Variants in FBLN7 observed in about 807,000 individuals in gnomAD.
The protein encoded by FBLN7 is fibulin-7.
FBLN7 carries 31 observed loss-of-function variants against 44.0 expected under a neutral mutation model. That is an observed-to-expected ratio of 0.70 (90% confidence interval 0.53 to 0.95). FBLN7 has a LOEUF of 0.95. FBLN7 is among the 40% of genes least tolerant of loss of function. FBLN7 has a pLI of 0.00. For missense variants in FBLN7, 573 were observed against 618.5 expected, an observed-to-expected ratio of 0.93 and a Z score of 0.78; for synonymous variants, 262 against 253.4, an observed-to-expected ratio of 1.03 and a Z score of -0.32.
the FBLN7 span, among the ~76,000 whole-genome samples, chr2:112,197,272 CACAGAG>C: frequency 5.8e-5 from 7 of 119,920 alleles, no homozygotes; most frequent in African/African-American, 1.3e-4. Context: ...CACACACACA[CACAGAG>C]AGAGAGAGAG....
At chr2:112,186,233 C>T (rs1002882567) in intron 7 of FBLN7, among the ~76,000 whole-genome samples, 3 of 152,198 alleles carry the variant, frequency 2.0e-5, no homozygotes, top group East Asian at 1.9e-4. Flanking sequence ...GCTACAGAAT[C>T]GCCAAATATA....
chr2:112,213,814 T>C, the FBLN7 span: 1 of 143,932 alleles, frequency 6.9e-6, no homozygotes, highest in Non-Finnish European at 1.5e-5. Flanking sequence ...AAAAAAAATT[T>C]AGTTCTACTA....
intron 1 of FBLN7, among the ~76,000 whole-genome samples, chr2:112,156,054 G>A (rs985185059): frequency 3.3e-5 from 5 of 152,196 alleles, no homozygotes; most frequent in Non-Finnish European, 7.3e-5. Flanking sequence ...GCAGCTGTTC[G>A]CCTGGCTGGA....
At chr2:112,164,017 G>A (rs1348970166) in intron 2 of FBLN7, among the ~76,000 whole-genome samples, 1 of 152,092 alleles carries the variant, frequency 6.6e-6, no homozygotes, top group Non-Finnish European at 1.5e-5. Context: ...CCTGACCACT[G>A]TATTCAAAAT....
At chr2:112,204,168 G>A in the FBLN7 span, among the ~76,000 whole-genome samples, 1 of 151,468 alleles carries the variant, frequency 6.6e-6, no homozygotes, top group South Asian at 2.1e-4. Context: ...AAAGTATAAG[G>A]CTGAAATAAC....
chr2:112,160,758 ACG>A (rs1250836855), intron 2 of FBLN7, among the ~76,000 whole-genome samples: 1 of 53,106 alleles, frequency 1.9e-5, no homozygotes, highest in Non-Finnish European at 4.2e-5. Context: ...GCACGCACAC[ACG>A]CACGCACACG....
chr2:112,238,699 TAAAAAA>T, the FBLN7 span: 3 of 462,018 alleles, frequency 6.5e-6, no homozygotes, highest in Non-Finnish European at 1.1e-5. Context: ...TTTCCAGAAT[TAAAAAA>T]AAGAAAAAAT....
At chr2:112,211,890 C>T in the FBLN7 span, 1 of 152,208 alleles carries the variant, frequency 6.6e-6, no homozygotes, top group African/African-American at 2.4e-5. Flanking sequence ...CCTATCCAAA[C>T]ATATACATTC....
chr2:112,165,430 C>T (rs970093959), intron 3 of FBLN7, among the ~76,000 whole-genome samples: 2 of 152,164 alleles, frequency 1.3e-5, no homozygotes, highest in Non-Finnish European at 1.5e-5. Flanking sequence ...CACAGAGGTT[C>T]AAGAACTTGC....
intron 1 of FBLN7, among the ~76,000 whole-genome samples, chr2:112,143,254 G>A (rs575887416): frequency 1.3e-5 from 2 of 152,310 alleles, no homozygotes; most frequent in South Asian, 2.1e-4. Context: ...CCTTCCCACT[G>A]GAAGAGAAAC....
intron 3 of FBLN7, among the ~76,000 whole-genome samples, chr2:112,171,160 C>T (rs984178586): frequency 1.3e-5 from 2 of 152,112 alleles, no homozygotes; most frequent in South Asian, 2.1e-4. Context: ...GGGTAGACAT[C>T]GTCTGGAGCT....
chr2:112,175,515 C>A (rs967972815), intron 3 of FBLN7, among the ~76,000 whole-genome samples, 199 bp from the exon 4 acceptor site: 1 of 152,186 alleles, frequency 6.6e-6, no homozygotes, highest in Non-Finnish European at 1.5e-5. Flanking sequence ...AATGGAGATG[C>A]AATAGGGCTG....
intron 4 of FBLN7, chr2:112,177,044 T>C (rs1343334697): frequency 6.6e-6 from 1 of 152,188 alleles, no homozygotes; most frequent in Non-Finnish European, 1.5e-5. Flanking sequence ...CAAGTGATTC[T>C]CCTGCCTCAG....
chr2:112,238,882 CACATT>C, the FBLN7 span, among the ~76,000 whole-genome samples: 1 of 152,216 alleles, frequency 6.6e-6, no homozygotes, highest in African/African-American at 2.4e-5. Flanking sequence ...TTACAGTTCA[CACATT>C]ACATTTCTGC....
chr2:112,241,096 T>C, the FBLN7 span, among the ~76,000 whole-genome samples: 1 of 151,696 alleles, frequency 6.6e-6, no homozygotes, highest in Non-Finnish European at 1.5e-5. Context: ...AAAAGGAAGT[T>C]ATGCTCTAAA....
intron 1 of FBLN7, among the ~76,000 whole-genome samples, chr2:112,145,861 T>C (rs1290392042): frequency 4.6e-5 from 7 of 152,224 alleles, no homozygotes; most frequent in Admixed American, 4.6e-4. Context: ...ATGGAGAAAT[T>C]TCTGCCAATA....
chr2:112,179,630 G>T (rs1039078400), intron 4 of FBLN7, among the ~76,000 whole-genome samples: 12 of 152,134 alleles, frequency 7.9e-5, no homozygotes, highest in African/African-American at 2.7e-4. Flanking sequence ...GCATGGTACT[G>T]GTACAAAAAC....
At chr2:112,181,607 T>G in intron 4 of FBLN7, 132 bp from the exon 5 acceptor site, 1 of 1,142,694 alleles carries the variant, frequency 8.8e-7, no homozygotes. Flanking sequence ...TGTCTCTCCT[T>G]TCCCTACTCC....
At chr2:112,178,984 C>G (rs555000449) in intron 4 of FBLN7, among the ~76,000 whole-genome samples, 1 of 152,058 alleles carries the variant, frequency 6.6e-6, no homozygotes, top group Non-Finnish European at 1.5e-5. Context: ...GAAGTCCTGG[C>G]GAGAGCAACA....
Sources: gnomAD v4.1 joint callset for allele counts (sites outside exome capture counted in the v4.1 genomes callset) on GRCh38, gnomAD v4.1.1 for gene constraint, MANE v1.5 for transcripts, NCBI Gene and HGNC (gene_info 2026-07-23, HGNC 2026-07-21) for gene names.